Variants in COL28A1 observed in about 807,000 individuals in gnomAD.
COL28A1 encodes collagen type XXVIII alpha 1 chain, also known as collagen alpha-1(XXVIII) chain.
A neutral mutation model predicts 150.2 loss-of-function variants in COL28A1; 161 were observed. The ratio of observed to expected loss-of-function variants is 1.07; its 90% CI spans 0.94 to 1.22. The LOEUF is 1.22. COL28A1 is among the 50% of genes most tolerant of loss of function. The probability of loss-of-function intolerance (pLI) is 0.00; values close to 1 mark genes in which losing one functional copy is unlikely to be tolerated. For missense variants in COL28A1, 1,617 were observed against 1,388.3 expected, an observed-to-expected ratio of 1.16 and a Z score of -2.62; for synonymous variants, 552 against 469.7, an observed-to-expected ratio of 1.18 and a Z score of -2.26.
intron 9 of COL28A1, among the ~76,000 whole-genome samples, chr7:7,508,928 G>A (rs981963784): frequency 3.3e-5 from 5 of 152,134 alleles, no homozygotes; most frequent in African/African-American, 1.2e-4. Context: ...CTGCCTCCCA[G>A]GTTCAAGCAA....
At chr7:7,370,019 G>A (rs1204855212) in intron 33 of COL28A1, among the ~76,000 whole-genome samples, 2 of 152,058 alleles carry the variant, frequency 1.3e-5, no homozygotes, top group Non-Finnish European at 2.9e-5. Flanking sequence ...ACTAAAAAAG[G>A]CTCCCCCATT....
At chr7:7,427,885 T>C (rs1383413390) in intron 25 of COL28A1, among the ~76,000 whole-genome samples, 6 of 152,130 alleles carry the variant, frequency 3.9e-5, no homozygotes, top group East Asian at 1.9e-4. Flanking sequence ...GCATAGGAGA[T>C]TGAGCATCTG....
In COL28A1 at chr7:7,467,945, C is replaced by T. The variant is rs1313510889; in HGVS notation, c.1302+6656G>A. On this transcript the variant is annotated intron_variant, in intron 15 of 34. Transcript: ENST00000399429. Reference sequence around the variant, plus strand: ...ACACAACATTCCAGAATCTCTGGGACGCATTCAAAGCAGTGTGTAGAGGGA... The same window carrying T: ...ACACAACATTCCAGAATCTCTGGGATGCATTCAAAGCAGTGTGTAGAGGGA... Among the ~76,000 whole-genome samples, 65 of 137,170 alleles carry T rather than the reference C, an allele frequency of 4.7e-4. 1 individual carries two copies. Among genetic ancestry groups the T allele is most frequent in the Non-Finnish European group, 8.1e-4 (52 of 64,130 alleles). The allele number at this position is 137,170 out of a possible 152,430, so 90.0% of individuals were successfully genotyped here. A position where few individuals can be genotyped will look rare whatever the true frequency, so the allele number is the denominator to read the frequency against.
chr7:7,444,337 TTTA>T, intron 19 of COL28A1, 78 bp downstream of exon 19: 1 of 1,587,648 alleles, frequency 6.3e-7, no homozygotes, highest in East Asian at 2.2e-5. Flanking sequence ...CCTGAATGGT[TTTA>T]TTCGAGCTCC....
intron 27 of COL28A1, among the ~76,000 whole-genome samples, chr7:7,412,682 G>A (rs1783855978): frequency 6.6e-6 from 1 of 152,006 alleles, no homozygotes; most frequent in Non-Finnish European, 1.5e-5. Flanking sequence ...ACTCAGATAT[G>A]GAAACTGAGG....
intron 27 of COL28A1, among the ~76,000 whole-genome samples, chr7:7,410,480 G>A (rs1425159659): frequency 6.6e-6 from 1 of 152,098 alleles, no homozygotes; most frequent in East Asian, 1.9e-4. Context: ...ATTACAATAA[G>A]AGATAAGTCA....
At position 7,442,078 on chromosome 7, in the gene COL28A1, G is replaced by T. The variant is rs146931701; in HGVS notation, c.1651-1217C>A. On this transcript the variant is annotated intron_variant, in intron 20 of 34. Coordinates refer to ENST00000399429, the MANE Select transcript of COL28A1 (RefSeq NM_001037763.3). ...AATAAATCGCCAACACTGAACCATG[G>T]TATACCTGGGCTATGTAACATGTTC... Among the ~76,000 whole-genome samples, 24 of 152,206 alleles carry T rather than the reference G, an allele frequency of 1.6e-4. 1 individual carries two copies. In the East Asian group the frequency reaches 4.4e-3, roughly 28 times the overall value.
intron 25 of COL28A1, among the ~76,000 whole-genome samples, chr7:7,429,425 C>G (rs1473364559): frequency 7.2e-6 from 1 of 138,272 alleles, no homozygotes. Context: ...CTCTCTCTCT[C>G]TCACATACAC....
In COL28A1 at chr7:7,419,905, C is replaced by A; in HGVS notation, c.2047G>T (p.Val683Leu). Residue 683 changes from valine (V) to leucine (L), a missense_variant, in exon 26 of 35, where the codon GTA becomes TTA. By Grantham distance (32) the Val-to-Leu change is conservative. Transcript: ENST00000399429. ...GPPGPSGPRG[V>L]GTQGPKGDTG... Reference sequence around the variant, plus strand: ...CTCACCTTTGGCCCTTGGGTTCCTACGCCCCGAGGCCCAGAAGGACCTGGA... The same window carrying A: ...CTCACCTTTGGCCCTTGGGTTCCTAAGCCCCGAGGCCCAGAAGGACCTGGA... 1 of 1,600,398 alleles carries A rather than the reference C, an allele frequency of 6.2e-7. No homozygotes were observed. Among genetic ancestry groups the A allele is most frequent in the Non-Finnish European group, 8.5e-7 (1 of 1,173,834 alleles).
At chr7:7,344,593 C>A in the COL28A1 span, among the ~76,000 whole-genome samples, 1 of 152,010 alleles carries the variant, frequency 6.6e-6, no homozygotes, top group Non-Finnish European at 1.5e-5. Context: ...TCCAAAATTA[C>A]AGAGAAATAA....
the COL28A1 span, among the ~76,000 whole-genome samples, chr7:7,341,911 T>C: frequency 1.3e-5 from 2 of 152,148 alleles, no homozygotes; most frequent in African/African-American, 4.8e-5. Context: ...GAAGAGAATA[T>C]ATATTCTGCA....
intron 30 of COL28A1, among the ~76,000 whole-genome samples, chr7:7,377,975 T>C (rs922559491): frequency 2.6e-5 from 4 of 152,040 alleles, no homozygotes; most frequent in Non-Finnish European, 2.9e-5. Flanking sequence ...AGTGGGGCCA[T>C]ACTCTGAGAG....
chr7:7,445,952 G>A (rs569929612), intron 18 of COL28A1, among the ~76,000 whole-genome samples: 124 of 151,030 alleles, frequency 8.2e-4, no homozygotes, highest in Middle Eastern at 6.8e-3. Context: ...TCCGCCTCCC[G>A]GGTTCAAGTG....
downstream of COL28A1, among the ~76,000 whole-genome samples, chr7:7,353,725 A>T (rs1052211563): frequency 6.6e-6 from 1 of 152,168 alleles, no homozygotes; most frequent in African/African-American, 2.4e-5. Flanking sequence ...CACCCAAGTC[A>T]ACATTTACAA....
intron 4 of COL28A1, among the ~76,000 whole-genome samples, chr7:7,522,507 G>A (rs1012609561): frequency 8.5e-5 from 13 of 152,098 alleles, no homozygotes; most frequent in Admixed American, 8.5e-4. Flanking sequence ...TCTTATAACA[G>A]CTGTTGACCA....
intron 21 of COL28A1, among the ~76,000 whole-genome samples, chr7:7,439,347 G>A (rs776340752): frequency 3.9e-5 from 6 of 152,044 alleles, no homozygotes; most frequent in Non-Finnish European, 7.4e-5. Flanking sequence ...GACATGACAA[G>A]AATCGGGAAA....
intron 18 of COL28A1, among the ~76,000 whole-genome samples, chr7:7,447,348 G>A (rs567520028): frequency 2.0e-5 from 3 of 152,112 alleles, no homozygotes; most frequent in Middle Eastern, 3.4e-3. Flanking sequence ...GGAGGCTAAG[G>A]CAAGAAGACA....
intron 11 of COL28A1, among the ~76,000 whole-genome samples, chr7:7,497,529 C>G (rs946392885): frequency 2.0e-5 from 3 of 152,092 alleles, no homozygotes; most frequent in Non-Finnish European, 4.4e-5. Context: ...GAGGTTAAAC[C>G]CAAATCTTAA....
At chr7:7,488,999 T>C (rs1779772159) in intron 13 of COL28A1, among the ~76,000 whole-genome samples, 1 of 152,190 alleles carries the variant, frequency 6.6e-6, no homozygotes. Flanking sequence ...TATTTTCATT[T>C]GTTGCTCGTA....
Sources: gnomAD v4.1 joint callset for allele counts (sites outside exome capture counted in the v4.1 genomes callset) on GRCh38, gnomAD v4.1.1 for gene constraint, MANE v1.5 for transcripts, NCBI Gene and HGNC (gene_info 2026-07-23, HGNC 2026-07-21) for gene names.